The following PRR16 variants were observed in gnomAD, a reference collection of about 807,000 sequenced individuals.
PRR16 encodes the protein proline rich 16.
A neutral mutation model predicts 18.2 loss-of-function variants in PRR16; 6 were observed. The ratio of observed to expected loss-of-function variants is 0.33; its 90% CI spans 0.18 to 0.65. The LOEUF is 0.65. PRR16 is among the 30% of genes least tolerant of loss of function. PRR16 has a pLI of 0.74. For synonymous variants in PRR16, 151 were observed against 147.8 expected (o/e 1.02, Z -0.16); for missense variants, 412 against 376.6 (o/e 1.09, Z -0.78).
intron 1 of PRR16, among the ~76,000 whole-genome samples, chr5:120,585,139 C>T (rs988631652): frequency 6.6e-6 from 1 of 152,136 alleles, no homozygotes; most frequent in Admixed American, 6.6e-5. Flanking sequence ...AAGAATAAGA[C>T]AGATATGTCA....
the PRR16 span, among the ~76,000 whole-genome samples, chr5:120,699,336 G>A: frequency 7.9e-5 from 12 of 152,250 alleles, no homozygotes; most frequent in East Asian, 1.9e-4. Flanking sequence ...TGGAACCGCC[G>A]TCAATAAATC....
chr5:120,621,313 C>T (rs1311568453), intron 1 of PRR16, among the ~76,000 whole-genome samples: 3 of 152,052 alleles, frequency 2.0e-5, no homozygotes, highest in Non-Finnish European at 4.4e-5. Context: ...ACCTGGGCTT[C>T]TTCCTGCTGC....
intron 1 of PRR16, among the ~76,000 whole-genome samples, chr5:120,561,866 A>G (rs545915767): frequency 9.9e-5 from 15 of 152,176 alleles, no homozygotes; most frequent in African/African-American, 3.6e-4. Flanking sequence ...TTCGCCTTGC[A>G]CTATGATTGT....
chr5:120,700,678 C>T, the PRR16 span, among the ~76,000 whole-genome samples: 10 of 152,036 alleles, frequency 6.6e-5, no homozygotes, highest in African/African-American at 1.4e-4. Context: ...CCATCAATAC[C>T]CACAACAGTT....
At chr5:120,498,145 A>C (rs542711675) in intron 1 of PRR16, among the ~76,000 whole-genome samples, 1 of 151,086 alleles carries the variant, frequency 6.6e-6, no homozygotes, top group African/African-American at 2.4e-5. Context: ...TTACTTGAAA[A>C]TTTTTAGAAG....
the PRR16 span, among the ~76,000 whole-genome samples, chr5:120,751,295 A>G: frequency 2.0e-5 from 3 of 152,136 alleles, no homozygotes; most frequent in African/African-American, 7.2e-5. Context: ...ACCTAGCAAA[A>G]GTATTGCTGG....
At chr5:120,513,601 C>T (rs756911267) in intron 1 of PRR16, among the ~76,000 whole-genome samples, 2 of 152,070 alleles carry the variant, frequency 1.3e-5, no homozygotes, top group African/African-American at 2.4e-5. Flanking sequence ...CCCACCTTTC[C>T]CCCTACTGGC....
the PRR16 span, among the ~76,000 whole-genome samples, chr5:120,724,579 A>T: frequency 6.6e-6 from 1 of 152,050 alleles, no homozygotes; most frequent in Non-Finnish European, 1.5e-5. Flanking sequence ...CATTACATTT[A>T]TGTTCATATA....
At chr5:120,474,140 C>G (rs1380608584) in intron 1 of PRR16, among the ~76,000 whole-genome samples, 1 of 152,146 alleles carries the variant, frequency 6.6e-6, no homozygotes, top group Non-Finnish European at 1.5e-5. Context: ...GGGGACATGT[C>G]TAAGGATTTT....
chr5:120,634,843 A>G (rs1755175697), intron 1 of PRR16, among the ~76,000 whole-genome samples: 1 of 152,152 alleles, frequency 6.6e-6, no homozygotes, highest in Non-Finnish European at 1.5e-5. Context: ...AGTTCTTTGA[A>G]AAGATAAAAT....
the PRR16 span, among the ~76,000 whole-genome samples, chr5:120,699,487 G>T: frequency 6.6e-6 from 1 of 152,144 alleles, no homozygotes; most frequent in Non-Finnish European, 1.5e-5. Context: ...GTCTGGGCCA[G>T]GAACAACGGT....
the PRR16 span, among the ~76,000 whole-genome samples, chr5:120,778,198 T>C: frequency 6.6e-6 from 1 of 152,106 alleles, no homozygotes; most frequent in Non-Finnish European, 1.5e-5. Context: ...AAAAGACAGG[T>C]GGTAAGGAAT....
the PRR16 span, among the ~76,000 whole-genome samples, chr5:120,754,386 AT>A: frequency 0.014 from 372 of 27,316 alleles, 17 homozygotes; most frequent in African/African-American, 0.064. Context: ...TAACATATAT[AT>A]TATATGTTAT....
intron 1 of PRR16, among the ~76,000 whole-genome samples, chr5:120,487,123 A>G (rs10478466): frequency 0.017 from 2,620 of 152,210 alleles, 76 homozygotes; most frequent in African/African-American, 0.06. Context: ...TTGACTTGGC[A>G]ATGCGTGCTC....
chr5:120,562,675 G>T (rs1247581769), intron 1 of PRR16, among the ~76,000 whole-genome samples: 1 of 152,020 alleles, frequency 6.6e-6, no homozygotes, highest in Non-Finnish European at 1.5e-5. Context: ...GTTACTGTGA[G>T]TCTTGCAAAT....
intron 1 of PRR16, among the ~76,000 whole-genome samples, chr5:120,511,657 A>G (rs370055595): frequency 3.5e-4 from 54 of 152,342 alleles, no homozygotes; most frequent in African/African-American, 1.3e-3. Context: ...TTTCTACTCA[A>G]TTAATGTATT....
At chr5:120,635,276 A>G (rs1162896856) in intron 1 of PRR16, among the ~76,000 whole-genome samples, 1 of 152,152 alleles carries the variant, frequency 6.6e-6, no homozygotes, top group Non-Finnish European at 1.5e-5. Context: ...TGAAGCCAAT[A>G]TCACCCTAAT....
chr5:120,603,673 C>T (rs1429382220), intron 1 of PRR16, among the ~76,000 whole-genome samples: 1 of 151,856 alleles, frequency 6.6e-6, no homozygotes, highest in Non-Finnish European at 1.5e-5. Context: ...AACTTTCTAA[C>T]TTCTTAATGT....
At chr5:120,763,549 T>G in the PRR16 span, among the ~76,000 whole-genome samples, 1 of 152,152 alleles carries the variant, frequency 6.6e-6, no homozygotes, top group African/African-American at 2.4e-5. Flanking sequence ...AGCTTTCTTT[T>G]GGTTCCATAT....
Sources: gnomAD v4.1 joint callset for allele counts (sites outside exome capture counted in the v4.1 genomes callset) on GRCh38, gnomAD v4.1.1 for gene constraint, MANE v1.5 for transcripts, NCBI Gene and HGNC (gene_info 2026-07-23, HGNC 2026-07-21) for gene names.